Variants in ATP6V0A1 observed in about 807,000 individuals in gnomAD.
The protein encoded by ATP6V0A1 is ATPase H+ transporting V0 subunit a1.
ATP6V0A1 carries 43 observed loss-of-function variants against 105.4 expected under a neutral mutation model. That is an observed-to-expected ratio of 0.41 (90% confidence interval 0.32 to 0.53). The LOEUF is 0.53. Ranked by LOEUF, ATP6V0A1 falls within the 20% of genes least tolerant of loss-of-function variation. ATP6V0A1 has a pLI of 0.30. For missense variants in ATP6V0A1, 676 were observed against 1,051.1 expected, an observed-to-expected ratio of 0.64 and a Z score of 4.93; for synonymous variants, 362 against 372.8, an observed-to-expected ratio of 0.97 and a Z score of 0.33.
Position 42,521,156 on chromosome 17 carries a change from C to G in ATP6V0A1, c.*36C>G, listed in dbSNP as rs377157852. ...GGGCCGTGTGCCCCATGCTACCCTC[C>G]CCGCCTCCCTCCACAGTGATCAGCT... On this transcript the variant is annotated 3_prime_UTR_variant, in exon 22 of 22. Transcript: ENST00000343619. This position sits in a 1 kb window ranked among gnomAD's most constrained non-coding sequence, Gnocchi z 4.8. 5.0e-5 allele frequency: 77 copies of G among 1,537,344 alleles called. No homozygotes were observed. The Middle Eastern group carries it at 5.6e-4, about 11-fold the overall frequency.
chr17:42,498,989 C>A lies in ATP6V0A1; in HGVS notation c.1626C>A (p.Ile542=), dbSNP rs2091433708. Residue 542 remains isoleucine (I), a synonymous_variant, in exon 15 of 22, where the codon ATC becomes ATA. Transcript: ENST00000343619. ...CCTTTAAGATGAAGATGTCTGTTAT[C>A]CTTGGTATCATCCATATGCTGTTTG... is the stretch of plus-strand genomic sequence containing the variant. The part of the protein sequence containing the change: ...LNSFKMKMSV[I]LGIIHMLFGV... The A allele has an allele frequency of 6.2e-7, 1 of 1,613,680 alleles. No homozygotes were observed. Among genetic ancestry groups the A allele is most frequent in the Non-Finnish European group, 8.5e-7 (1 of 1,179,786 alleles).
rs779400049 is a variant in ATP6V0A1 at position 42,498,957 on chromosome 17, T to C, written c.1594T>C (p.Leu532=). ...WNIATNKLTF[L]NSFKMKMSVI... ...CATTGCTACCAATAAACTGACGTTC[T>C]TGAACTCCTTTAAGATGAAGATGTC... The change falls in exon 15 of 22, where the codon TTG becomes CTG. Residue 532 remains leucine, a synonymous_variant. Transcript: ENST00000343619. 6.2e-7 allele frequency: 1 copy of C among 1,613,562 alleles called. No homozygotes were observed. Among genetic ancestry groups the C allele is most frequent in the Admixed American group, 1.7e-5 (1 of 60,012 alleles).
At chr17:42,505,548 C>T (rs1439183594) in intron 17 of ATP6V0A1, among the ~76,000 whole-genome samples, 5 of 151,828 alleles carry the variant, frequency 3.3e-5, no homozygotes, top group East Asian at 1.9e-4. Flanking sequence ...CCATGTTGGC[C>T]GGGCTGGTCT....
At chr17:42,513,726 A>G in intron 19 of ATP6V0A1, 135 bp from the exon 20 acceptor site, 1 of 812,720 alleles carries the variant, frequency 1.2e-6, no homozygotes, top group Admixed American at 2.1e-5. Flanking sequence ...GCCCCTCCAG[A>G]GTTGAGGTGC....
At position 42,466,632 on chromosome 17, in the gene ATP6V0A1, G is replaced by A. The variant is rs574868527; in HGVS notation, c.196+125G>A. The A allele has an allele frequency of 9.1e-5, 72 of 790,104 alleles. No homozygotes were observed. The African/African-American group carries it at 1.2e-3, about 13-fold the overall frequency. The allele number at this position is 790,104 out of a possible 1,614,324, so 48.9% of individuals were successfully genotyped here. ...GAAAAGGGAAAAATCTTGCAGTTAA[G>A]ATGCCAAGGTGTATTTCTCGTATAC... On this transcript the variant is annotated intron_variant, in intron 3 of 21. Transcript: ENST00000343619.
intron 19 of ATP6V0A1, chr17:42,509,909 A>T (rs986234433): frequency 6.6e-6 from 1 of 151,750 alleles, no homozygotes; most frequent in African/African-American, 2.4e-5. Context: ...TATCAGGCAC[A>T]TATACAGTCT....
intron 18 of ATP6V0A1, 23 bp downstream of exon 18, chr17:42,507,650 T>C: frequency 6.3e-7 from 1 of 1,594,298 alleles, no homozygotes; most frequent in Non-Finnish European, 8.6e-7. Context: ...GGTGTGGGCT[T>C]TCTCTCCTTC....
intron 17 of ATP6V0A1, among the ~76,000 whole-genome samples, chr17:42,506,124 A>G (rs2092008907): frequency 6.6e-6 from 1 of 152,176 alleles, no homozygotes; most frequent in South Asian, 2.1e-4. Context: ...TTGCAAGCCT[A>G]GATGTTCCAG....
At chr17:42,483,261 T>C (rs2089743297) in intron 9 of ATP6V0A1, 130 bp downstream of exon 9, 1 of 539,994 alleles carries the variant, frequency 1.9e-6, no homozygotes, top group African/African-American at 1.9e-5. Flanking sequence ...GAAATGTACA[T>C]GGGTAATATG....
chr17:42,520,415 C>G (rs2092792179), intron 21 of ATP6V0A1: 1 of 456,400 alleles, frequency 2.2e-6, no homozygotes, highest in East Asian at 7.0e-5. Flanking sequence ...GGGAAGGGAG[C>G]TCAGGCTTTT....
At chr17:42,501,427 T>C (rs1028716174) in intron 17 of ATP6V0A1, 123 bp downstream of exon 17, 1 of 821,596 alleles carries the variant, frequency 1.2e-6, no homozygotes, top group Non-Finnish European at 1.8e-6. Context: ...TTCTTTTTCT[T>C]TTTTTGAGAC....
At chr17:42,495,557 C>A in intron 13 of ATP6V0A1, 69 bp from the exon 14 acceptor site, 1 of 1,210,290 alleles carries the variant, frequency 8.3e-7, no homozygotes, top group Non-Finnish European at 1.2e-6. Context: ...ATTTTGGGGT[C>A]AGTTTCTGGA....
At chr17:42,468,927 C>T (rs1363626744) in intron 4 of ATP6V0A1, among the ~76,000 whole-genome samples, 1 of 152,170 alleles carries the variant, frequency 6.6e-6, no homozygotes, top group Non-Finnish European at 1.5e-5. Context: ...CTCACTGCAA[C>T]CCCTGCCTCC....
intron 19 of ATP6V0A1, chr17:42,511,030 G>C (rs1252148468): frequency 6.6e-6 from 1 of 152,210 alleles, no homozygotes; most frequent in East Asian, 1.9e-4. Context: ...GTTGATCTCG[G>C]TGTGGTCAGA....
chr17:42,508,225 A>C (rs1319919149), intron 18 of ATP6V0A1, among the ~76,000 whole-genome samples: 2 of 152,184 alleles, frequency 1.3e-5, no homozygotes, highest in Non-Finnish European at 2.9e-5. Context: ...AAGCCTCTGA[A>C]CTGAACTATT....
At chr17:42,477,581 T>C (rs1275505518) in intron 5 of ATP6V0A1, 79 bp from the exon 6 acceptor site, 8 of 1,463,830 alleles carry the variant, frequency 5.5e-6, no homozygotes, top group Non-Finnish European at 7.6e-6. Context: ...TCCTGGTTCC[T>C]CGTTGCCTGC....
At chr17:42,508,667 TG>T (rs2092174535) in intron 19 of ATP6V0A1, 78 bp downstream of exon 19, 4 of 1,587,430 alleles carry the variant, frequency 2.5e-6, no homozygotes, top group Non-Finnish European at 3.5e-6. Flanking sequence ...CTGCTGACCC[TG>T]CCACACCCTG....
intron 21 of ATP6V0A1, among the ~76,000 whole-genome samples, chr17:42,515,766 C>T (rs771194723): frequency 2.0e-4 from 31 of 152,116 alleles, no homozygotes; most frequent in Non-Finnish European, 2.8e-4. Context: ...CCAGCCTGGG[C>T]AACAAGAGTG....
intron 18 of ATP6V0A1, 152 bp downstream of exon 18, chr17:42,507,779 CT>C (rs1241799048): frequency 7.3e-6 from 5 of 685,600 alleles, no homozygotes; most frequent in Non-Finnish European, 1.0e-5. Flanking sequence ...GGCACCACAG[CT>C]TTTTCCAGTG....
Sources: gnomAD v4.1 joint callset for allele counts (sites outside exome capture counted in the v4.1 genomes callset) on GRCh38, gnomAD v4.1.1 for gene constraint, Gnocchi (gnomAD v3.1) non-coding constraint, MANE v1.5 for transcripts, NCBI Gene and HGNC (gene_info 2026-07-23, HGNC 2026-07-21) for gene names.